NPSR1: variants seen among roughly 807,000 people sequenced by gnomAD.
NPSR1 encodes the protein neuropeptide S receptor 1, also known as neuropeptide S receptor.
A neutral mutation model predicts 46.9 loss-of-function variants in NPSR1; 48 were observed. The observed-to-expected ratio is 1.02, with a 90% CI of 0.81 to 1.30. The LOEUF is 1.30. Ranked by LOEUF, NPSR1 falls within the 50% of genes most tolerant of loss-of-function variation. The probability of loss-of-function intolerance (pLI) is 0.00; values close to 1 mark genes in which losing one functional copy is unlikely to be tolerated. For missense variants in NPSR1, 450 were observed against 449.5 expected, an observed-to-expected ratio of 1.00 and a Z score of -0.01; for synonymous variants, 176 against 168.1, an observed-to-expected ratio of 1.05 and a Z score of -0.36.
At chr7:34,678,218 CTTTTTTT>C (rs869140156) in intron 1 of NPSR1, among the ~76,000 whole-genome samples, 24 of 100,692 alleles carry the variant, frequency 2.4e-4, no homozygotes, top group African/African-American at 5.1e-4. Context: ...CTTTGCAATT[CTTTTTTT>C]TTTTTTTTTT....
At chr7:34,750,965 A>G (rs1785490337) in intron 2 of NPSR1, 6 of 763,102 alleles carry the variant, frequency 7.9e-6, no homozygotes, top group Non-Finnish European at 1.5e-5. Flanking sequence ...GAAGGAGACT[A>G]TAGATTGCAT....
At chr7:34,756,230 A>G (rs953936294) in intron 2 of NPSR1, among the ~76,000 whole-genome samples, 6 of 152,194 alleles carry the variant, frequency 3.9e-5, no homozygotes, top group Admixed American at 2.0e-4. Context: ...TGAACATGAA[A>G]GAGAGTGAGA....
downstream of NPSR1, among the ~76,000 whole-genome samples, chr7:34,851,205 T>C (rs1790924933): frequency 6.6e-6 from 1 of 150,930 alleles, no homozygotes; most frequent in Non-Finnish European, 1.5e-5. Context: ...TTTTTTGGCA[T>C]ACTGCTAGTG....
intron 2 of NPSR1, among the ~76,000 whole-genome samples, chr7:34,693,106 C>T (rs1186530598): frequency 2.0e-5 from 3 of 152,072 alleles, no homozygotes; most frequent in Admixed American, 2.0e-4. Context: ...CTTCTCTGGC[C>T]ATGTGATGTG....
chr7:34,753,713 C>T (rs996029448), intron 2 of NPSR1: 4 of 151,992 alleles, frequency 2.6e-5, no homozygotes, highest in African/African-American at 9.7e-5. Context: ...TAAAGAGACG[C>T]CCCTGTCCAA....
chr7:34,828,377 G>A (rs930122108), intron 5 of NPSR1, among the ~76,000 whole-genome samples: 2 of 152,204 alleles, frequency 1.3e-5, no homozygotes, highest in African/African-American at 4.8e-5. Context: ...GTCATAGGAA[G>A]TCCTTTGTCC....
intron 2 of NPSR1, among the ~76,000 whole-genome samples, chr7:34,754,363 G>T (rs1785704583): frequency 1.3e-5 from 2 of 152,160 alleles, no homozygotes; most frequent in South Asian, 4.2e-4. Flanking sequence ...AATGGTTGGA[G>T]AAGGGTGCCT....
chr7:34,853,174 T>A (rs1290987740), downstream of NPSR1, among the ~76,000 whole-genome samples: 4 of 152,202 alleles, frequency 2.6e-5, no homozygotes, highest in African/African-American at 9.6e-5. Flanking sequence ...AGAAATGACC[T>A]TGCCTCTTCC....
At chr7:34,850,153 C>T (rs945154491), downstream of NPSR1, among the ~76,000 whole-genome samples, 2 of 152,236 alleles carry the variant, frequency 1.3e-5, no homozygotes, top group African/African-American at 4.8e-5. Flanking sequence ...CATTTCCAGG[C>T]ATTGGTGCTT....
chr7:34,821,127 CTTTTTTTTTT>C (rs35086136), intron 4 of NPSR1, among the ~76,000 whole-genome samples: 1 of 94,854 alleles, frequency 1.1e-5, no homozygotes, highest in Admixed American at 1.1e-4. Context: ...TTGTGATACA[CTTTTTTTTTT>C]TTTTTTTTTT....
At chr7:34,676,150 A>G (rs1792306424) in intron 1 of NPSR1, among the ~76,000 whole-genome samples, 1 of 152,150 alleles carries the variant, frequency 6.6e-6, no homozygotes, top group Non-Finnish European at 1.5e-5. Context: ...ATCACCCCTC[A>G]AATGTACATA....
At position 34,777,555 on chromosome 7, in the gene NPSR1, C is replaced by A. The variant is rs527690285; in HGVS notation, c.281-907C>A. ...AAGTTAAAACCAAGCACTATGAGAGCTCACCTGATTTTTGGTGCTTACAAA... is the reference window on the plus strand; with the variant it reads ...AAGTTAAAACCAAGCACTATGAGAGATCACCTGATTTTTGGTGCTTACAAA... On this transcript the variant is annotated intron_variant, in intron 2 of 8. Coordinates refer to ENST00000360581, the MANE Select transcript of NPSR1 (RefSeq NM_207172.2). Among the ~76,000 whole-genome samples the A allele has an allele frequency of 4.0e-5, 6 of 151,756 alleles. No individual in the cohort carries two copies. The South Asian group carries it at 1.0e-3, about 26-fold the overall frequency.
At chr7:34,856,689 G>A (rs1017691968) in intron 8 of NPSR1, among the ~76,000 whole-genome samples, 2 of 151,740 alleles carry the variant, frequency 1.3e-5, no homozygotes, top group African/African-American at 4.9e-5. Context: ...TGTGACAAAA[G>A]TCTGTCCAGG....
chr7:34,663,581 C>T (rs576676607), intron 1 of NPSR1, among the ~76,000 whole-genome samples: 24 of 152,254 alleles, frequency 1.6e-4, no homozygotes, highest in Non-Finnish European at 2.9e-4. Context: ...TTCTCTCTTC[C>T]TCCGCTTTTT....
At chr7:34,663,343 T>C (rs2530565) in intron 1 of NPSR1, among the ~76,000 whole-genome samples, 42,760 of 151,752 alleles carry the variant, frequency 0.28, 7,650 homozygotes, top group African/African-American at 0.51. Flanking sequence ...CCAGCGATAA[T>C]TTCTGCCTCC....
intron 3 of NPSR1, among the ~76,000 whole-genome samples, chr7:34,795,962 A>G (rs1788152826): frequency 6.6e-6 from 1 of 152,166 alleles, no homozygotes; most frequent in Admixed American, 6.6e-5. Flanking sequence ...TTGAAGGTGA[A>G]GAACAAATTT....
At chr7:34,827,650 G>GGGGGGGGGGGGGGGT in intron 5 of NPSR1, 48 bp downstream of exon 5, 1 of 612,072 alleles carries the variant, frequency 1.6e-6, no homozygotes, top group Non-Finnish European at 2.9e-6. Context: ...GGGCGGGGGG[G>GGGGGGGGGGGGGGGT]GCTTTCCTGT....
Position 34,817,553 on chromosome 7 carries a change from C to T in NPSR1, c.478+5690C>T, listed in dbSNP as rs1215531234. On this transcript the variant is annotated intron_variant, in intron 4 of 8. Transcript: ENST00000360581. ...ATCAATAGAAAAAGAGGGAATCCTC[C>T]CTAACTCATTTTATAAGGCCAGCAT... 3.7e-5 allele frequency among the ~76,000 whole-genome samples: 4 copies of T among 106,892 alleles called. No individual in the cohort carries two copies. In the East Asian group the frequency reaches 1.1e-3, roughly 28 times the overall value. The allele number at this position is 106,892 out of a possible 152,430, so 70.1% of individuals were successfully genotyped here.
intron 7 of NPSR1, among the ~76,000 whole-genome samples, chr7:34,845,928 A>G (rs1017529131): frequency 1.3e-5 from 2 of 152,212 alleles, no homozygotes; most frequent in African/African-American, 2.4e-5. Context: ...TGAAGCTCCA[A>G]GGAAGTATAG....
Sources: gnomAD v4.1 joint callset for allele counts (sites outside exome capture counted in the v4.1 genomes callset) on GRCh38, gnomAD v4.1.1 for gene constraint, MANE v1.5 for transcripts, NCBI Gene and HGNC (gene_info 2026-07-23, HGNC 2026-07-21) for gene names.